The following LHFPL3 variants were observed in gnomAD, a reference collection of about 807,000 sequenced individuals.
LHFPL3 encodes LHFPL tetraspan subfamily member 3 protein.
In LHFPL3, 5 loss-of-function variants were observed where a neutral mutation model predicts 19.3. The observed-to-expected ratio is 0.26, with a 90% CI of 0.14 to 0.54. The LOEUF (loss-of-function observed/expected upper bound fraction) is 0.54, where lower values mean the gene tolerates loss of function less well. Ranked by LOEUF, LHFPL3 falls within the 20% of genes least tolerant of loss-of-function variation. LHFPL3 has a pLI of 0.94. For missense variants in LHFPL3, 249 were observed against 307.4 expected (o/e 0.81, Z 1.42); for synonymous variants, 133 against 126.2 (o/e 1.05, Z -0.36).
chr7:104,838,232 C>T (rs73417643), intron 2 of LHFPL3, among the ~76,000 whole-genome samples: 2 of 152,094 alleles, frequency 1.3e-5, no homozygotes, highest in Non-Finnish European at 2.9e-5. Flanking sequence ...CCACACCTGC[C>T]CTCTCTAACT....
intron 1 of LHFPL3, among the ~76,000 whole-genome samples, chr7:104,686,430 G>A (rs1792807262): frequency 1.3e-5 from 2 of 152,176 alleles, no homozygotes; most frequent in African/African-American, 2.4e-5. Context: ...GATGTGAAGG[G>A]CTTTGTGGTT....
intron 2 of LHFPL3, among the ~76,000 whole-genome samples, chr7:104,868,329 C>G (rs1395431360): frequency 6.6e-6 from 1 of 152,036 alleles, no homozygotes; most frequent in Non-Finnish European, 1.5e-5. Context: ...TCTAGAAAAC[C>G]CCATTGTCTC....
At chr7:104,588,414 A>T (rs1221767799) in intron 1 of LHFPL3, among the ~76,000 whole-genome samples, 2 of 152,224 alleles carry the variant, frequency 1.3e-5, no homozygotes, top group African/African-American at 2.4e-5. Context: ...TTTGTCAAAG[A>T]TCAGATGGTT....
At chr7:104,369,989 T>C (rs565450294) in intron 1 of LHFPL3, among the ~76,000 whole-genome samples, 1 of 152,324 alleles carries the variant, frequency 6.6e-6, no homozygotes, top group South Asian at 2.1e-4. Flanking sequence ...TTAACAAAAA[T>C]AATGTGATAT....
intron 1 of LHFPL3, among the ~76,000 whole-genome samples, chr7:104,730,037 T>C (rs1320475853): frequency 6.6e-6 from 1 of 152,152 alleles, no homozygotes; most frequent in Non-Finnish European, 1.5e-5. Context: ...AGAATGATGG[T>C]TCCCAGCTCA....
chr7:104,668,047 T>C, intron 1 of LHFPL3: 1 of 1,613,734 alleles, frequency 6.2e-7, no homozygotes, highest in Non-Finnish European at 8.5e-7. Flanking sequence ...ACTGCTTTTC[T>C]AGGAAACCTA....
chr7:104,765,389 G>A (rs371793086), intron 2 of LHFPL3, among the ~76,000 whole-genome samples: 13 of 152,186 alleles, frequency 8.5e-5, no homozygotes, highest in East Asian at 5.8e-4. Context: ...CAAAGACCTT[G>A]CAATACTGTC....
chr7:104,621,141 T>A (rs1791439684), intron 1 of LHFPL3, among the ~76,000 whole-genome samples: 1 of 152,226 alleles, frequency 6.6e-6, no homozygotes, highest in Non-Finnish European at 1.5e-5. Context: ...CCCACTTTTT[T>A]AGTCTCCAGC....
chr7:104,753,119 A>G (rs1242581915), intron 2 of LHFPL3, among the ~76,000 whole-genome samples: 4 of 152,252 alleles, frequency 2.6e-5, no homozygotes, highest in Non-Finnish European at 5.9e-5. Flanking sequence ...CTGGTGATTT[A>G]TAATCACATT....
intron 1 of LHFPL3, among the ~76,000 whole-genome samples, chr7:104,709,517 C>T (rs1273639526): frequency 6.7e-6 from 1 of 149,176 alleles, no homozygotes; most frequent in African/African-American, 2.5e-5. Context: ...TGAGTGGACA[C>T]AGCACATGTT....
intron 2 of LHFPL3, among the ~76,000 whole-genome samples, chr7:104,879,502 C>T (rs142901352): frequency 3.3e-5 from 5 of 152,192 alleles, no homozygotes; most frequent in Non-Finnish European, 7.4e-5. Flanking sequence ...GGAGCATCAC[C>T]TGAGGCTAGG....
rs146167557 is a variant in LHFPL3 at position 104,410,907 on chromosome 7, G to A, written c.445+81683G>A. ...TATTTGAGTGGCTCACTGTGATTCC[G>A]AGTGATTTTCAGAAATGTGATTCAT... is the stretch of plus-strand genomic sequence containing the variant. On this transcript the variant is annotated intron_variant, in intron 1 of 2. Transcript: ENST00000424859. Among the ~76,000 whole-genome samples, 1,160 of 152,210 alleles carry A rather than the reference G, an allele frequency of 7.6e-3. 3 individuals are homozygous for A. The highest frequency in any genetic ancestry group is 0.012 in the Non-Finnish European group (833 of 68,012).
chr7:104,673,749 A>G (rs1289980289), intron 1 of LHFPL3, among the ~76,000 whole-genome samples: 1 of 152,252 alleles, frequency 6.6e-6, no homozygotes, highest in Non-Finnish European at 1.5e-5. Context: ...TTGAAGTCAG[A>G]GCATCCTCAA....
chr7:104,434,552 A>G (rs1792064251), intron 1 of LHFPL3, among the ~76,000 whole-genome samples: 1 of 152,232 alleles, frequency 6.6e-6, no homozygotes, highest in Non-Finnish European at 1.5e-5. Context: ...GTGAACTTAG[A>G]TGCAAGATCA....
At chr7:104,524,079 A>T (rs1794135381) in intron 1 of LHFPL3, among the ~76,000 whole-genome samples, 1 of 152,192 alleles carries the variant, frequency 6.6e-6, no homozygotes, top group Non-Finnish European at 1.5e-5. Flanking sequence ...CCTACACTCC[A>T]GCAGTATTAT....
intron 2 of LHFPL3, chr7:104,802,972 A>G (rs575132940): frequency 6.6e-6 from 1 of 152,508 alleles, no homozygotes; most frequent in East Asian, 1.9e-4. Flanking sequence ...CCCTGTGAAT[A>G]AAGGGATATT....
chr7:104,383,551 G>T (rs1442533316), intron 1 of LHFPL3, among the ~76,000 whole-genome samples: 1 of 152,140 alleles, frequency 6.6e-6, no homozygotes, highest in Non-Finnish European at 1.5e-5. Flanking sequence ...ACAACACCTG[G>T]CTTCTCTTTC....
chr7:104,564,274 G>A (rs1365130482), intron 1 of LHFPL3, among the ~76,000 whole-genome samples: 2 of 152,114 alleles, frequency 1.3e-5, no homozygotes, highest in East Asian at 3.9e-4. Flanking sequence ...CTGAGTTAGG[G>A]TCTTAGCTTT....
intron 1 of LHFPL3, among the ~76,000 whole-genome samples, chr7:104,707,445 GA>G (rs1432096524): frequency 2.0e-5 from 3 of 152,172 alleles, no homozygotes; most frequent in Non-Finnish European, 4.4e-5. Context: ...CTAATCAGAT[GA>G]AAATAATCAG....
Sources: gnomAD v4.1 joint callset for allele counts (sites outside exome capture counted in the v4.1 genomes callset) on GRCh38, gnomAD v4.1.1 for gene constraint, MANE v1.5 for transcripts, NCBI Gene and HGNC (gene_info 2026-07-23, HGNC 2026-07-21) for gene names.